The following C1QTNF7 variants were observed in gnomAD, a reference collection of about 807,000 sequenced individuals.
The protein encoded by C1QTNF7 is C1q and TNF related 7, also known as complement C1q tumor necrosis factor-related protein 7.
C1QTNF7 carries 15 observed loss-of-function variants against 19.6 expected under a neutral mutation model. That is an observed-to-expected ratio of 0.76 (90% CI 0.51 to 1.18). The LOEUF (loss-of-function observed/expected upper bound fraction) is 1.18, where lower values mean the gene tolerates loss of function less well. Among genes scored for constraint, C1QTNF7 ranks in the 50% most tolerant of loss-of-function variants. C1QTNF7 has a pLI of 0.00. For synonymous variants in C1QTNF7, 142 were observed against 137.5 expected, an observed-to-expected ratio of 1.03 and a Z score of -0.23; for missense variants, 324 against 359.7, an observed-to-expected ratio of 0.90 and a Z score of 0.80.
chr4:15,357,619 A>G (rs1055368933), intron 1 of C1QTNF7, among the ~76,000 whole-genome samples: 2 of 152,178 alleles, frequency 1.3e-5, no homozygotes, highest in Non-Finnish European at 2.9e-5. Flanking sequence ...AATTCTGTGA[A>G]GAAAGTCAGT....
Position 15,435,823 on chromosome 4 carries a change from A to T in C1QTNF7, c.80A>T (p.Asn27Ile). Reference protein sequence around the residue: ...QPRGNQLKGENYSPRYICSIP... With the variant: ...QPRGNQLKGEIYSPRYICSIP... ...CGGGGTAATCAGTTGAAAGGAGAGA[A>T]CTACTCCCCCAGGTATATCTGCAGC... The change falls in exon 2 of 3, where the codon AAC becomes ATC. Residue 27 changes from asparagine (N) to isoleucine (I), a missense_variant. Coordinates refer to ENST00000444304, the MANE Select transcript of C1QTNF7 (RefSeq NM_031911.5). The T allele has an allele frequency of 6.2e-7, 1 of 1,614,082 alleles. No homozygotes were observed. The highest frequency in any genetic ancestry group is 8.5e-7 in the Non-Finnish European group (1 of 1,180,022).
intron 1 of C1QTNF7, among the ~76,000 whole-genome samples, chr4:15,412,088 A>C (rs972201279): frequency 6.6e-6 from 1 of 152,132 alleles, no homozygotes; most frequent in African/African-American, 2.4e-5. Flanking sequence ...TGTGTATGAG[A>C]GGGATCTAGG....
At chr4:15,352,554 A>G (rs1378654747) in intron 1 of C1QTNF7, among the ~76,000 whole-genome samples, 1 of 152,204 alleles carries the variant, frequency 6.6e-6, no homozygotes, top group Non-Finnish European at 1.5e-5. Flanking sequence ...AAAAGTGAAA[A>G]TGTATCAGAG....
chr4:15,345,625 T>C (rs76819934), intron 1 of C1QTNF7, among the ~76,000 whole-genome samples: 8,648 of 152,250 alleles, frequency 0.057, 505 homozygotes, highest in Admixed American at 0.18. Flanking sequence ...CGTGAAATGA[T>C]AAGGCAGAGG....
chr4:15,364,398 G>A (rs183119302), intron 1 of C1QTNF7, among the ~76,000 whole-genome samples: 115 of 152,214 alleles, frequency 7.6e-4, no homozygotes, highest in African/African-American at 2.5e-3. Flanking sequence ...AAAAATAAAT[G>A]TTTGTTGTTA....
upstream of C1QTNF7, among the ~76,000 whole-genome samples, chr4:15,427,630 G>A (rs1424425103): frequency 6.6e-6 from 1 of 152,182 alleles, no homozygotes; most frequent in Non-Finnish European, 1.5e-5. Flanking sequence ...CCTAGGTCCA[G>A]AATCTAAAGG....
intron 1 of C1QTNF7, among the ~76,000 whole-genome samples, chr4:15,391,201 C>T (rs756235378): frequency 6.6e-5 from 10 of 151,682 alleles, no homozygotes; most frequent in Non-Finnish European, 1.0e-4. Context: ...TATGTTGTAA[C>T]GAGAGACAGT....
chr4:15,422,815 G>A (rs1410892681), intron 1 of C1QTNF7, among the ~76,000 whole-genome samples: 2 of 151,946 alleles, frequency 1.3e-5, no homozygotes, highest in African/African-American at 4.8e-5. Context: ...TAGAGATGGG[G>A]TTTTGCCATA....
intron 1 of C1QTNF7, among the ~76,000 whole-genome samples, chr4:15,430,401 T>A (rs554680765): frequency 7.2e-5 from 11 of 152,232 alleles, no homozygotes; most frequent in African/African-American, 2.4e-4. Flanking sequence ...CCTGGGTAAC[T>A]TGGTGAAACC....
At chr4:15,430,207 A>G (rs1209016688) in intron 1 of C1QTNF7, among the ~76,000 whole-genome samples, 3 of 152,214 alleles carry the variant, frequency 2.0e-5, no homozygotes, top group Non-Finnish European at 2.9e-5. Flanking sequence ...TAAAAACAAA[A>G]ACCTGTTACT....
At chr4:15,370,780 G>A (rs4358396) in intron 1 of C1QTNF7, among the ~76,000 whole-genome samples, 72,012 of 151,992 alleles carry the variant, frequency 0.47, 18,367 homozygotes, top group African/African-American at 0.66. Context: ...AAATATTTTC[G>A]TAGGATTTTT....
intron 1 of C1QTNF7, among the ~76,000 whole-genome samples, chr4:15,395,800 C>T (rs1396434682): frequency 6.6e-5 from 10 of 152,144 alleles, no homozygotes; most frequent in Non-Finnish European, 1.2e-4. Context: ...ATATTAGTAT[C>T]ACCATTTTAC....
intron 1 of C1QTNF7, among the ~76,000 whole-genome samples, chr4:15,368,159 G>A (rs888613264): frequency 2.0e-5 from 3 of 152,004 alleles, no homozygotes; most frequent in Admixed American, 1.3e-4. Flanking sequence ...GTAGTATCTC[G>A]CAGTATAGAC....
chr4:15,408,992 GCTGA>G (rs1278434304), intron 1 of C1QTNF7, among the ~76,000 whole-genome samples: 16 of 152,290 alleles, frequency 1.1e-4, no homozygotes, highest in African/African-American at 3.8e-4. Context: ...GGCATCCTGA[GCTGA>G]CTAAGACCCC....
chr4:15,402,023 G>C (rs762775061), intron 1 of C1QTNF7, among the ~76,000 whole-genome samples: 1 of 152,172 alleles, frequency 6.6e-6, no homozygotes, highest in Non-Finnish European at 1.5e-5. Context: ...GTTTAAAAAA[G>C]CTTTCTCTAA....
At chr4:15,398,330 A>G (rs777174476) in intron 1 of C1QTNF7, among the ~76,000 whole-genome samples, 9 of 152,218 alleles carry the variant, frequency 5.9e-5, no homozygotes, top group Non-Finnish European at 1.0e-4. Context: ...GGCAAAGCTA[A>G]TTATATCAGA....
At chr4:15,435,697 C>A in intron 1 of C1QTNF7, 39 bp from the exon 2 acceptor site, 1 of 1,609,384 alleles carries the variant, frequency 6.2e-7, no homozygotes. Flanking sequence ...CCCCTCCCAA[C>A]ACAGAAAGTT....
intron 2 of C1QTNF7, among the ~76,000 whole-genome samples, chr4:15,439,901 G>A (rs544358808): frequency 6.6e-6 from 1 of 151,436 alleles, no homozygotes; most frequent in South Asian, 2.1e-4. Context: ...TATGTAAAAT[G>A]TCATATATAA....
intron 1 of C1QTNF7, among the ~76,000 whole-genome samples, chr4:15,375,079 T>A (rs1407384428): frequency 6.6e-6 from 1 of 151,976 alleles, no homozygotes; most frequent in Non-Finnish European, 1.5e-5. Context: ...AGTGTGAGGC[T>A]GACACCGACA....
Sources: gnomAD v4.1 joint callset for allele counts (sites outside exome capture counted in the v4.1 genomes callset) on GRCh38, gnomAD v4.1.1 for gene constraint, MANE v1.5 for transcripts, NCBI Gene and HGNC (gene_info 2026-07-23, HGNC 2026-07-21) for gene names.